MIA2: variants seen among roughly 807,000 people sequenced by gnomAD.
The protein encoded by MIA2 is melanoma inhibitory activity protein 2.
In MIA2, 127 loss-of-function variants were observed where a neutral mutation model predicts 167.8. The observed-to-expected ratio is 0.76, with a 90% CI of 0.66 to 0.88. The LOEUF (loss-of-function observed/expected upper bound fraction) is 0.88, where lower values mean the gene tolerates loss of function less well. Ranked by LOEUF, MIA2 falls within the 40% of genes least tolerant of loss-of-function variation. The pLI is 0.00. For synonymous variants in MIA2, 552 were observed against 541.9 expected (o/e 1.02, Z -0.26); for missense variants, 1,690 against 1,624.7 (o/e 1.04, Z -0.69).
intron 23 of MIA2, among the ~76,000 whole-genome samples, chr14:39,364,601 C>G (rs2074775610): frequency 1.3e-5 from 2 of 152,006 alleles, no homozygotes; most frequent in African/African-American, 4.8e-5. Context: ...TCTTGTAGGT[C>G]TGTTCTAGTG....
chr14:39,301,422 C>T (rs1161766369), intron 14 of MIA2, among the ~76,000 whole-genome samples: 2 of 152,072 alleles, frequency 1.3e-5, no homozygotes, highest in Non-Finnish European at 2.9e-5. Context: ...CTTTGGGATT[C>T]TTTTAAAGAT....
Position 39,295,037 on chromosome 14 carries a change from C to T in MIA2, c.2496+8C>T. On this transcript the variant is annotated splice_region_variant and intron_variant, in intron 13 of 28. Transcript: ENST00000640607. Reference sequence around the variant, plus strand: ...CAGGAAAGCCAGAAACAGGTTTGTGCTCCGTAGGGACTCTTCAACTTGTGA... The same window carrying T: ...CAGGAAAGCCAGAAACAGGTTTGTGTTCCGTAGGGACTCTTCAACTTGTGA... The T allele has an allele frequency of 2.6e-6, 4 of 1,558,378 alleles. No homozygotes were observed. Among genetic ancestry groups the T allele is most frequent in the Non-Finnish European group, 1.8e-6 (2 of 1,129,386 alleles).
chr14:39,284,832 A>G (rs1206454752), intron 9 of MIA2, among the ~76,000 whole-genome samples: 2 of 150,064 alleles, frequency 1.3e-5, no homozygotes, highest in Non-Finnish European at 3.0e-5. Context: ...ACAATAGTGG[A>G]GGGAAGGTCA....
At position 39,345,889 on chromosome 14, in the gene MIA2, A is replaced by G. The variant is rs1468775024; in HGVS notation, c.3656-15A>G. 1.3e-6 allele frequency: 2 copies of G among 1,596,730 alleles called. No homozygotes were observed. The highest frequency in any genetic ancestry group is 4.5e-5 in the East Asian group (2 of 44,724). On this transcript the variant is annotated splice_polypyrimidine_tract_variant and intron_variant, in intron 25 of 28. Transcript: ENST00000640607. The stretch of plus-strand genomic sequence containing the variant: ...ATTTACATTAATGAAGACATTTTAA[A>G]AACTTATTTTCTAGGACAATCATAT...
intron 18 of MIA2, among the ~76,000 whole-genome samples, chr14:39,312,884 TA>T (rs2064578432): frequency 3.0e-5 from 2 of 67,150 alleles, no homozygotes; most frequent in Admixed American, 1.6e-4. Context: ...ATTGTAATTA[TA>T]ATTGTGTGTG....
At chr14:39,380,223 T>C (rs1466959640) in intron 23 of MIA2, among the ~76,000 whole-genome samples, 2 of 152,208 alleles carry the variant, frequency 1.3e-5, no homozygotes, top group African/African-American at 4.8e-5. Context: ...CTGGAGCAAC[T>C]TATTATCTCA....
At chr14:39,323,604 T>C (rs2066900393) in intron 24 of MIA2, among the ~76,000 whole-genome samples, 1 of 152,252 alleles carries the variant, frequency 6.6e-6, no homozygotes. Flanking sequence ...TATTCAATTT[T>C]ATCCCGTTTC....
rs2054118290 is a variant in MIA2 at position 39,242,944 on chromosome 14, G to A, written c.336+2297G>A. ...TCAAGACCAGCCTGACCAACATGGT[G>A]AAACCCCGTCTCTACTAAAAATACA... On this transcript the variant is annotated intron_variant, in intron 3 of 28. Transcript: ENST00000640607. Among the ~76,000 whole-genome samples the A allele has an allele frequency of 2.6e-5, 4 of 151,700 alleles. No individual in the cohort carries two copies. In the South Asian group the frequency reaches 8.4e-4, roughly 32 times the overall value.
At chr14:39,236,643 C>T (rs1207321435) in intron 1 of MIA2, among the ~76,000 whole-genome samples, 3 of 152,124 alleles carry the variant, frequency 2.0e-5, no homozygotes, top group Non-Finnish European at 4.4e-5. Context: ...AATGGATAAA[C>T]AAACTTGAGT....
chr14:39,310,411 A>G (rs902775524), intron 18 of MIA2, among the ~76,000 whole-genome samples: 2 of 152,196 alleles, frequency 1.3e-5, no homozygotes, highest in Non-Finnish European at 2.9e-5. Flanking sequence ...TGTGTTAGAT[A>G]AACTTTGTTT....
At chr14:39,290,915 T>A in intron 9 of MIA2, 104 bp from the exon 10 acceptor site, 1 of 1,018,640 alleles carries the variant, frequency 9.8e-7, no homozygotes, top group Non-Finnish European at 1.4e-6. Flanking sequence ...GTAAATTTAA[T>A]GTATTATGTG....
rs376036272 is a variant in MIA2, at chr14:39,313,324, A to G, written c.3018-16A>G. 2.7e-4 allele frequency: 361 copies of G among 1,359,066 alleles called. 1 individual carries two copies. Among genetic ancestry groups the G allele is most frequent in the Non-Finnish European group, 3.6e-4 (349 of 966,236 alleles). The allele number at this position is 1,359,066 out of a possible 1,614,324, so 84.2% of individuals were successfully genotyped here. ...TGACATGTATTAAGAGAATTATAAC[A>G]TTTTTTGTTTTTAAGGAAATTAACA... On this transcript the variant is annotated splice_polypyrimidine_tract_variant and intron_variant, in intron 18 of 28. Coordinates refer to ENST00000640607, the MANE Select transcript of MIA2 (RefSeq NM_001329214.4).
At chr14:39,263,243 C>T (rs1158620622) in intron 6 of MIA2, among the ~76,000 whole-genome samples, 1 of 152,036 alleles carries the variant, frequency 6.6e-6, no homozygotes, top group South Asian at 2.1e-4. Flanking sequence ...TGAATTTTGT[C>T]GAAGGCCTTT....
At chr14:39,241,037 T>C (rs2054012510) in intron 3 of MIA2, among the ~76,000 whole-genome samples, 1 of 152,214 alleles carries the variant, frequency 6.6e-6, no homozygotes, top group East Asian at 1.9e-4. Flanking sequence ...GAAGAATAAA[T>C]GAGTATATGT....
At chr14:39,319,348 A>T in intron 23 of MIA2, 57 bp downstream of exon 23, 1 of 792,884 alleles carries the variant, frequency 1.3e-6, no homozygotes. Flanking sequence ...ATATATATAT[A>T]TTGCACATAT....
chr14:39,237,131 T>A, intron 2 of MIA2, 76 bp downstream of exon 2: 1 of 1,534,804 alleles, frequency 6.5e-7, no homozygotes, highest in Non-Finnish European at 8.9e-7. Context: ...TTTCTTTTCT[T>A]TTTTTTGGAA....
chr14:39,297,734 TGAGA>T (rs1205288716), intron 13 of MIA2, among the ~76,000 whole-genome samples: 1 of 143,266 alleles, frequency 7.0e-6, no homozygotes, highest in Non-Finnish European at 1.5e-5. Flanking sequence ...AGAGAATGAA[TGAGA>T]GAGAATGAGA....
chr14:39,290,789 T>C (rs185998556), intron 9 of MIA2, among the ~76,000 whole-genome samples: 178 of 152,328 alleles, frequency 1.2e-3, no homozygotes, highest in African/African-American at 4.1e-3. Flanking sequence ...ACTTTACTCT[T>C]AGAGGTGAAG....
intron 23 of MIA2, among the ~76,000 whole-genome samples, chr14:39,374,297 T>C (rs1737445003): frequency 1.3e-5 from 2 of 152,186 alleles, no homozygotes; most frequent in Admixed American, 6.5e-5. Flanking sequence ...GGTCATGCCA[T>C]TGGAAATCTA....
Sources: gnomAD v4.1 joint callset for allele counts (sites outside exome capture counted in the v4.1 genomes callset) on GRCh38, gnomAD v4.1.1 for gene constraint, MANE v1.5 for transcripts, NCBI Gene and HGNC (gene_info 2026-07-23, HGNC 2026-07-21) for gene names.